Variants in SLC12A7 observed in about 807,000 individuals in gnomAD.
SLC12A7 encodes solute carrier family 12 member 7.
SLC12A7 carries 100 observed loss-of-function variants against 120.6 expected under a neutral mutation model. The ratio of observed to expected loss-of-function variants is 0.83; its 90% CI spans 0.71 to 0.98. The LOEUF is 0.98. Among genes scored for constraint, SLC12A7 ranks in the 50% least tolerant of loss-of-function variants. The pLI is 0.00. For synonymous variants in SLC12A7, 760 were observed against 678.0 expected, an observed-to-expected ratio of 1.12 and a Z score of -1.88; for missense variants, 1,373 against 1,548.1, an observed-to-expected ratio of 0.89 and a Z score of 1.90.
At chr5:1,152,671 G>A in the SLC12A7 span, among the ~76,000 whole-genome samples, 13 of 136,784 alleles carry the variant, frequency 9.5e-5, no homozygotes, top group South Asian at 2.6e-4. Flanking sequence ...CTTACAGAAC[G>A]GAGACGCCCC....
chr5:1,098,162 GC>G (rs1316266496), intron 1 of SLC12A7, among the ~76,000 whole-genome samples: 2 of 87,830 alleles, frequency 2.3e-5, no homozygotes, highest in Admixed American at 1.8e-4. Context: ...TGCAAGCCCA[GC>G]CCCCCTCTAA....
chr5:1,113,859 AC>A (rs1338446994), upstream of SLC12A7, among the ~76,000 whole-genome samples: 3 of 152,088 alleles, frequency 2.0e-5, no homozygotes, highest in Non-Finnish European at 4.4e-5. Flanking sequence ...TGTACATTCA[AC>A]CCTGGTTGCC....
At chr5:1,082,546 G>T (rs1739296229) in intron 8 of SLC12A7, among the ~76,000 whole-genome samples, 1 of 139,480 alleles carries the variant, frequency 7.2e-6, no homozygotes, top group African/African-American at 2.7e-5. Flanking sequence ...GGAAAGTCCG[G>T]GCTTCCTGTC....
chr5:1,113,483 G>A (rs1269318428), upstream of SLC12A7, among the ~76,000 whole-genome samples: 1 of 152,202 alleles, frequency 6.6e-6, no homozygotes, highest in Non-Finnish European at 1.5e-5. Context: ...CTGGGCAGAA[G>A]CTGTAGGCCT....
chr5:1,122,255 C>A, the SLC12A7 span, among the ~76,000 whole-genome samples: 1 of 152,098 alleles, frequency 6.6e-6, no homozygotes, highest in Non-Finnish European at 1.5e-5. Flanking sequence ...GAAACCAGAA[C>A]CCCCGGCAGG....
chr5:1,070,074 C>A (rs1353120341), intron 17 of SLC12A7, among the ~76,000 whole-genome samples: 1 of 27,404 alleles, frequency 3.6e-5, no homozygotes, highest in Non-Finnish European at 5.7e-5. Flanking sequence ...AGCACACGGG[C>A]ATCACACTTA....
the SLC12A7 span, among the ~76,000 whole-genome samples, chr5:1,155,381 G>A: frequency 4.0e-3 from 603 of 152,292 alleles, 3 homozygotes; most frequent in Non-Finnish European, 5.8e-3. Flanking sequence ...GGACTCTGCA[G>A]CCGCGGGAAC....
chr5:1,152,449 C>T, the SLC12A7 span, among the ~76,000 whole-genome samples: 356 of 152,350 alleles, frequency 2.3e-3, 3 homozygotes, highest in African/African-American at 8.1e-3. Context: ...CGTGGGCTCA[C>T]CCAGCAGGAC....
At chr5:1,155,134 C>A in the SLC12A7 span, among the ~76,000 whole-genome samples, 2 of 151,526 alleles carry the variant, frequency 1.3e-5, no homozygotes, top group African/African-American at 2.4e-5. Context: ...TCGGGACCCC[C>A]GTGTGAGCAG....
At chr5:1,068,654 G>A (rs1336246393) in intron 17 of SLC12A7, among the ~76,000 whole-genome samples, 1 of 152,216 alleles carries the variant, frequency 6.6e-6, no homozygotes, top group Non-Finnish European at 1.5e-5. Context: ...CGGGGGCAGG[G>A]TGCGCTCGTC....
At chr5:1,141,752 G>A in the SLC12A7 span, among the ~76,000 whole-genome samples, 1 of 152,236 alleles carries the variant, frequency 6.6e-6, no homozygotes, top group African/African-American at 2.4e-5. Flanking sequence ...AGGACAGCGT[G>A]GACAAGGAAT....
chr5:1,135,575 A>G, the SLC12A7 span, among the ~76,000 whole-genome samples: 1 of 152,214 alleles, frequency 6.6e-6, no homozygotes, highest in Non-Finnish European at 1.5e-5. Context: ...CAGGGGTACA[A>G]AGACAGCTCC....
At chr5:1,120,696 C>T in the SLC12A7 span, among the ~76,000 whole-genome samples, 6 of 152,150 alleles carry the variant, frequency 3.9e-5, no homozygotes, top group Middle Eastern at 6.3e-3. Context: ...CAGTGGGCGA[C>T]GGGCCACAGA....
chr5:1,054,233 A>G (rs1735362680), intron 22 of SLC12A7, among the ~76,000 whole-genome samples: 1 of 152,200 alleles, frequency 6.6e-6, no homozygotes, highest in African/African-American at 2.4e-5. Context: ...CCGTCCTCAC[A>G]ACGCAGCTCT....
At chr5:1,134,689 G>A in the SLC12A7 span, among the ~76,000 whole-genome samples, 2 of 152,220 alleles carry the variant, frequency 1.3e-5, no homozygotes, top group Middle Eastern at 3.4e-3. Context: ...AGAACTGAAA[G>A]CAGGGACTCG....
chr5:1,140,458 C>T, the SLC12A7 span, among the ~76,000 whole-genome samples: 2 of 151,914 alleles, frequency 1.3e-5, no homozygotes, highest in African/African-American at 4.8e-5. Context: ...TCCAGCGAGG[C>T]GGTGCTCCCT....
intron 3 of SLC12A7, among the ~76,000 whole-genome samples, chr5:1,092,673 G>C (rs1278634979): frequency 6.6e-6 from 1 of 152,178 alleles, no homozygotes; most frequent in Non-Finnish European, 1.5e-5. Context: ...ACTGGGGGAG[G>C]CCGTCGCCCG....
Position 1,081,695 on chromosome 5 carries a change from T to C in SLC12A7, c.1179A>G (p.Lys393=), listed in dbSNP as rs774136462. The C allele has an allele frequency of 1.1e-5, 17 of 1,613,082 alleles. No homozygotes were observed. Among genetic ancestry groups the C allele is most frequent in the Non-Finnish European group, 1.4e-5 (17 of 1,179,970 alleles). The part of the protein sequence containing the change: ...YAHAGAFVEK[K]GVPSVPVAEE... ...CTGCCACGGGCACCGAGGGCACACCTTTCTTCTCCACAAACGCCCCCGCGT... is the reference window on the plus strand; with the variant it reads ...CTGCCACGGGCACCGAGGGCACACCCTTCTTCTCCACAAACGCCCCCGCGT... Residue 393 remains lysine (K), a synonymous_variant, in exon 9 of 24, where the codon AAA becomes AAG. Transcript: ENST00000264930.
intron 20 of SLC12A7, among the ~76,000 whole-genome samples, chr5:1,062,040 G>C (rs144022354): frequency 5.9e-5 from 9 of 152,354 alleles, no homozygotes; most frequent in African/African-American, 1.9e-4. Flanking sequence ...CTACGGAGGG[G>C]TGGGCAGCCC....
Sources: allele counts gnomAD v4.1 joint callset (sites outside exome capture counted in the v4.1 genomes callset), GRCh38; gene constraint gnomAD v4.1.1; transcripts MANE v1.5; gene names NCBI Gene and HGNC (gene_info 2026-07-23, HGNC 2026-07-21).